Variants in NTNG2 observed in about 807,000 individuals in gnomAD.
NTNG2 encodes netrin-G2.
Under a neutral mutation model 47.6 loss-of-function variants are expected in NTNG2, and 15 were observed. The ratio of observed to expected loss-of-function variants is 0.32; its 90% CI spans 0.21 to 0.49. The LOEUF is 0.49. Ranked by LOEUF, NTNG2 falls within the 20% of genes least tolerant of loss-of-function variation. The probability of loss-of-function intolerance (pLI) is 0.99; values close to 1 mark genes in which losing one functional copy is unlikely to be tolerated. For missense variants in NTNG2, 578 were observed against 764.6 expected, an observed-to-expected ratio of 0.76 and a Z score of 2.88; for synonymous variants, 307 against 324.6, an observed-to-expected ratio of 0.95 and a Z score of 0.58.
intron 4 of NTNG2, among the ~76,000 whole-genome samples, chr9:132,230,348 G>C (rs539212575): frequency 1.1e-4 from 17 of 152,242 alleles, no homozygotes; most frequent in African/African-American, 3.9e-4. Context: ...GCCAATAGTG[G>C]TTCCTCCCTC....
intron 3 of NTNG2, among the ~76,000 whole-genome samples, chr9:132,202,614 G>T (rs980176469): frequency 6.6e-6 from 1 of 152,222 alleles, no homozygotes; most frequent in Non-Finnish European, 1.5e-5. Context: ...GCAAATCTGG[G>T]GCAGAATCTG....
At chr9:132,195,681 A>G (rs1838256446) in intron 2 of NTNG2, among the ~76,000 whole-genome samples, 1 of 151,822 alleles carries the variant, frequency 6.6e-6, no homozygotes, top group African/African-American at 2.4e-5. Flanking sequence ...TCCAGGCTAC[A>G]GTGCAGTGGT....
chr9:132,225,957 A>G (rs1840724117), intron 3 of NTNG2, among the ~76,000 whole-genome samples: 1 of 152,146 alleles, frequency 6.6e-6, no homozygotes, highest in Admixed American at 6.5e-5. Context: ...CTGTGCGCTC[A>G]CAGCTGGGTC....
intron 2 of NTNG2, among the ~76,000 whole-genome samples, chr9:132,192,218 G>A (rs966695173): frequency 1.3e-4 from 20 of 152,328 alleles, no homozygotes; most frequent in African/African-American, 4.8e-4. Flanking sequence ...GCTGTCAGAT[G>A]CTGACTGGGG....
intron 2 of NTNG2, among the ~76,000 whole-genome samples, chr9:132,172,722 ATT>A (rs35406789): frequency 7.3e-4 from 61 of 83,474 alleles, no homozygotes; most frequent in Non-Finnish European, 1.1e-3. Flanking sequence ...TCAGGGCTGT[ATT>A]TTTTTTTTTT....
intron 3 of NTNG2, among the ~76,000 whole-genome samples, chr9:132,210,990 C>T (rs1839550043): frequency 6.6e-6 from 1 of 152,228 alleles, no homozygotes; most frequent in Admixed American, 6.5e-5. Context: ...TGTGAATCCG[C>T]TTCCAGAAGC....
At chr9:132,219,572 C>CAAA (rs35634958) in intron 3 of NTNG2, among the ~76,000 whole-genome samples, 3 of 100,170 alleles carry the variant, frequency 3.0e-5, no homozygotes, top group Admixed American at 1.0e-4. Context: ...GACTCTGTCT[C>CAAA]AAAAAAAAAA....
intron 2 of NTNG2, among the ~76,000 whole-genome samples, chr9:132,188,413 G>T (rs1386960167): frequency 6.6e-6 from 1 of 152,230 alleles, no homozygotes; most frequent in Non-Finnish European, 1.5e-5. Flanking sequence ...TGGGTGAAGG[G>T]CACCATTTCC....
Position 132,198,194 on chromosome 9 carries a change from G to T in NTNG2, c.442G>T (p.Val148Phe). 1.2e-6 allele frequency: 2 copies of T among 1,613,510 alleles called. No individual in the cohort carries two copies. Among genetic ancestry groups the T allele is most frequent in the Non-Finnish European group, 1.7e-6 (2 of 1,180,038 alleles). The change falls in exon 3 of 8, where the codon GTC becomes TTC. Residue 148 changes from valine (V) to phenylalanine (F), a missense_variant. Coordinates refer to ENST00000393229, the MANE Select transcript of NTNG2 (RefSeq NM_032536.4). The stretch of plus-strand genomic sequence containing the variant: ...GACCTTCGAGTACGGCCGGCCCACG[G>T]TCATGGTCCTGGAGAAGTCCCTGGA... ...VMTFEYGRPT[V>F]MVLEKSLDNG...
At chr9:132,191,588 G>C (rs570662873) in intron 2 of NTNG2, among the ~76,000 whole-genome samples, 1 of 152,006 alleles carries the variant, frequency 6.6e-6, no homozygotes, top group East Asian at 1.9e-4. Flanking sequence ...CTTTTAGACA[G>C]AGTCTTGCTC....
intron 2 of NTNG2, among the ~76,000 whole-genome samples, chr9:132,184,914 C>G (rs1237218151): frequency 1.3e-5 from 2 of 152,224 alleles, no homozygotes; most frequent in African/African-American, 4.8e-5. Flanking sequence ...AAGAGCGAAA[C>G]TCTGTCTCAA....
intron 2 of NTNG2, 45 bp downstream of exon 2, chr9:132,167,089 G>A (rs1410406816): frequency 6.3e-7 from 1 of 1,594,172 alleles, no homozygotes; most frequent in Admixed American, 1.7e-5. Flanking sequence ...CCAAGTGGGA[G>A]GAGGTCTGGA....
At chr9:132,167,279 G>A (rs1374456426) in intron 2 of NTNG2, among the ~76,000 whole-genome samples, 1 of 152,238 alleles carries the variant, frequency 6.6e-6, no homozygotes, top group Non-Finnish European at 1.5e-5. Context: ...TGGGGTAGGG[G>A]CATTCTCGGC....
In NTNG2 at chr9:132,231,172, G is replaced by T; in HGVS notation, c.1054+577G>T. The stretch of plus-strand genomic sequence containing the variant: ...GGACCAGGGAGGGGCATCTGCAGGA[G>T]GTGGGGGTCCTGAGAGTTCCCCAGG... On this transcript the variant is annotated intron_variant, in intron 5 of 7. Coordinates refer to ENST00000393229, the MANE Select transcript of NTNG2 (RefSeq NM_032536.4). This position sits in a 1 kb window ranked among gnomAD's most constrained non-coding sequence, Gnocchi z 4.1. 1 of 391,280 alleles carries T rather than the reference G, an allele frequency of 2.6e-6. No individual in the cohort carries two copies. The highest frequency in any genetic ancestry group is 5.1e-6 in the Non-Finnish European group (1 of 194,548). The allele number at this position is 391,280 out of a possible 1,614,324, so 24.2% of individuals were successfully genotyped here.
chr9:132,194,912 T>C (rs865821041), intron 2 of NTNG2, among the ~76,000 whole-genome samples: 32 of 152,292 alleles, frequency 2.1e-4, no homozygotes, highest in South Asian at 1.9e-3. Context: ...GCTCAGCCCC[T>C]CAGAAGGCGG....
chr9:132,205,274 C>A (rs897541255), intron 3 of NTNG2, among the ~76,000 whole-genome samples: 2 of 152,128 alleles, frequency 1.3e-5, no homozygotes, highest in East Asian at 1.9e-4. Context: ...TATGATTCAG[C>A]CTTAAAAAGG....
chr9:132,171,216 T>C (rs1321230528), intron 2 of NTNG2, among the ~76,000 whole-genome samples: 5 of 152,186 alleles, frequency 3.3e-5, no homozygotes, highest in African/African-American at 4.8e-5. Flanking sequence ...CACATCCCAG[T>C]GTTGTCACTT....
rs1304426802 is a variant in NTNG2, at chr9:132,236,423, T to A, written c.1055-2681T>A. 6.6e-6 allele frequency among the ~76,000 whole-genome samples: 1 copy of A among 152,182 alleles called. No individual in the cohort carries two copies. Among genetic ancestry groups the A allele is most frequent in the African/African-American group, 2.4e-5 (1 of 41,434 alleles). On this transcript the variant is annotated intron_variant, in intron 5 of 7. Coordinates refer to ENST00000393229, the MANE Select transcript of NTNG2 (RefSeq NM_032536.4). The surrounding 1 kb of genome is among the most constrained non-coding windows in gnomAD (Gnocchi z 4.3). ...CTGCCCGACTCTCCAGAAGGGAAAT[T>A]GTCCCTGGCCCCAGCTCACCAAGCC... is the stretch of plus-strand genomic sequence containing the variant.
intron 2 of NTNG2, among the ~76,000 whole-genome samples, chr9:132,189,196 C>T (rs1166167425): frequency 2.0e-5 from 3 of 150,160 alleles, no homozygotes; most frequent in African/African-American, 7.4e-5. Flanking sequence ...CCTATCTCAG[C>T]CACCCAAGTA....
Sources: gnomAD v4.1 joint callset for allele counts (sites outside exome capture counted in the v4.1 genomes callset) on GRCh38, gnomAD v4.1.1 for gene constraint, Gnocchi (gnomAD v3.1) non-coding constraint, MANE v1.5 for transcripts, NCBI Gene and HGNC (gene_info 2026-07-23, HGNC 2026-07-21) for gene names.